CCDC178: variants seen among roughly 807,000 people sequenced by gnomAD.
CCDC178 encodes the protein coiled-coil domain-containing protein 178.
In CCDC178, 126 loss-of-function variants were observed where a neutral mutation model predicts 117.4. The observed-to-expected ratio is 1.07, with a 90% CI of 0.93 to 1.24. The LOEUF (loss-of-function observed/expected upper bound fraction) is 1.24, where lower values mean the gene tolerates loss of function less well. Ranked by LOEUF, CCDC178 falls within the 50% of genes most tolerant of loss-of-function variation. The pLI, the probability that CCDC178 is intolerant of heterozygous loss-of-function variation, is 0.00. For missense variants in CCDC178, 1,030 were observed against 986.9 expected (o/e 1.04, Z -0.59); for synonymous variants, 283 against 313.4 (o/e 0.90, Z 1.02).
At chr18:33,318,738 TA>T (rs1178859261) in intron 11 of CCDC178, among the ~76,000 whole-genome samples, 6 of 151,922 alleles carry the variant, frequency 3.9e-5, no homozygotes, top group African/African-American at 1.5e-4. Context: ...TAAAATTAAT[TA>T]AAATTCATAA....
chr18:33,414,893 T>C (rs965580749), intron 2 of CCDC178, among the ~76,000 whole-genome samples: 2 of 152,156 alleles, frequency 1.3e-5, no homozygotes, highest in African/African-American at 4.8e-5. Flanking sequence ...GGGCTAAGGA[T>C]ATGAACAGAC....
At chr18:32,992,907 T>C (rs1197623043) in intron 21 of CCDC178, among the ~76,000 whole-genome samples, 1 of 152,184 alleles carries the variant, frequency 6.6e-6, no homozygotes, top group East Asian at 1.9e-4. Flanking sequence ...TGCTCACACC[T>C]GTAATCCCAG....
At chr18:33,322,509 T>C (rs1046637298) in intron 11 of CCDC178, among the ~76,000 whole-genome samples, 1 of 151,790 alleles carries the variant, frequency 6.6e-6, no homozygotes, top group Non-Finnish European at 1.5e-5. Context: ...ATTTTCATGG[T>C]TTGAAACTAT....
At chr18:33,092,380 T>G (rs1215397472) in intron 21 of CCDC178, among the ~76,000 whole-genome samples, 2 of 152,084 alleles carry the variant, frequency 1.3e-5, no homozygotes, top group Non-Finnish European at 2.9e-5. Flanking sequence ...AGAAAATAGT[T>G]ACCAGAATTT....
rs186010868 is a variant in CCDC178, at chr18:33,101,866, G to A, written c.2239-8956C>T. Among the ~76,000 whole-genome samples, 10 of 152,022 alleles carry A rather than the reference G, an allele frequency of 6.6e-5. No individual in the cohort carries two copies. The East Asian group carries it at 1.8e-3, about 27-fold the overall frequency. ...TATTTTGCAAGTTGCCACTGATGTAGTCAGATAACCTGATGCCACTTTACA... is the reference window on the plus strand; with the variant it reads ...TATTTTGCAAGTTGCCACTGATGTAATCAGATAACCTGATGCCACTTTACA... On this transcript the variant is annotated intron_variant, in intron 20 of 22. Transcript: ENST00000383096.
chr18:33,030,522 AAGATAGATAGAT>A lies in CCDC178; in HGVS notation c.2389-55853_2389-55842del, dbSNP rs61043322. ...GGAGTTCTCCAGACAGAACTGATAG[AAGATAGATAGAT>A]AGATAGATAGATAGATAGATAGATA... On this transcript the variant is annotated intron_variant, in intron 21 of 22. Transcript: ENST00000383096. 1.1e-3 allele frequency among the ~76,000 whole-genome samples: 155 copies of A among 140,876 alleles called. 1 individual carries two copies. Among genetic ancestry groups the A allele is most frequent in the Non-Finnish European group, 1.5e-3 (99 of 65,198 alleles). The allele number at this position is 140,876 out of a possible 152,430, so 92.4% of individuals were successfully genotyped here.
chr18:32,963,254 C>T (rs1431013734), intron 22 of CCDC178, among the ~76,000 whole-genome samples: 1 of 151,998 alleles, frequency 6.6e-6, no homozygotes, highest in Non-Finnish European at 1.5e-5. Flanking sequence ...AATCTGTTTC[C>T]TAAGTCCCTC....
intron 9 of CCDC178, among the ~76,000 whole-genome samples, chr18:33,339,993 G>C (rs1389957961): frequency 6.6e-6 from 1 of 152,138 alleles, no homozygotes; most frequent in Non-Finnish European, 1.5e-5. Context: ...TTGGAACTTG[G>C]TAACAGGCAG....
chr18:33,272,694 C>A (rs147899787), intron 12 of CCDC178, among the ~76,000 whole-genome samples: 2 of 151,502 alleles, frequency 1.3e-5, no homozygotes, highest in East Asian at 3.9e-4. Context: ...GGATTATAGA[C>A]CACGATGAAG....
chr18:33,170,210 G>A (rs2058582757), intron 20 of CCDC178, among the ~76,000 whole-genome samples: 1 of 152,018 alleles, frequency 6.6e-6, no homozygotes, highest in South Asian at 2.1e-4. Context: ...GTTTCAGGGA[G>A]TTTAAGGCTC....
intron 6 of CCDC178, among the ~76,000 whole-genome samples, chr18:33,361,023 C>G (rs1410836870): frequency 6.6e-6 from 1 of 150,846 alleles, no homozygotes; most frequent in African/African-American, 2.4e-5. Context: ...AAAAAAACAC[C>G]AAAAGTCCCA....
intron 12 of CCDC178, among the ~76,000 whole-genome samples, chr18:33,271,770 A>G (rs2059893714): frequency 6.6e-6 from 1 of 151,594 alleles, no homozygotes; most frequent in Admixed American, 6.6e-5. Flanking sequence ...TAACAGAAGG[A>G]AATTCAAAAC....
chr18:33,253,172 C>G (rs1422317403), intron 14 of CCDC178, among the ~76,000 whole-genome samples: 1 of 151,782 alleles, frequency 6.6e-6, no homozygotes, highest in Non-Finnish European at 1.5e-5. Context: ...ACAATCATAT[C>G]ATCATCGTTG....
chr18:33,160,418 C>A (rs2058448666), intron 20 of CCDC178, among the ~76,000 whole-genome samples: 1 of 152,050 alleles, frequency 6.6e-6, no homozygotes, highest in African/African-American at 2.4e-5. Flanking sequence ...ATACTGCAAA[C>A]CACTACAAGT....
In CCDC178 at chr18:33,227,577, TATAC is replaced by T. The variant is rs1211889003; in HGVS notation, c.1594-726_1594-723del. On this transcript the variant is annotated intron_variant, in intron 15 of 22. Coordinates refer to ENST00000383096, the MANE Select transcript of CCDC178 (RefSeq NM_001105528.4). ...GTGTGTATATATATATATATATATA[TATAC>T]ACACACACACACACACATAGTTTTG... Among the ~76,000 whole-genome samples, 55 of 138,616 alleles carry T rather than the reference TATAC, an allele frequency of 4.0e-4. No homozygotes were observed. In the East Asian group the frequency reaches 8.3e-3, roughly 21 times the overall value. 90.9% of individuals were successfully genotyped at this position (138,616 alleles called of 152,430 possible). A position where few individuals can be genotyped will look rare whatever the true frequency, so the allele number is the denominator to read the frequency against.
intron 21 of CCDC178, among the ~76,000 whole-genome samples, chr18:33,033,302 G>GA (rs879458732): frequency 5.9e-5 from 9 of 152,006 alleles, no homozygotes; most frequent in Non-Finnish European, 1.2e-4. Context: ...AAGCCTTTGA[G>GA]AAAAAATATT....
intron 11 of CCDC178, among the ~76,000 whole-genome samples, chr18:33,310,564 T>G (rs2062326799): frequency 6.6e-6 from 1 of 151,848 alleles, no homozygotes; most frequent in South Asian, 2.1e-4. Context: ...CACATGCCTG[T>G]AATCCCAGCT....
intron 20 of CCDC178, among the ~76,000 whole-genome samples, chr18:33,098,991 G>T (rs1211948031): frequency 1.3e-5 from 2 of 151,902 alleles, no homozygotes; most frequent in Non-Finnish European, 2.9e-5. Context: ...TCATTGATTT[G>T]AATCAGAAGA....
At chr18:33,178,432 T>G (rs1272104975) in intron 20 of CCDC178, among the ~76,000 whole-genome samples, 1 of 152,158 alleles carries the variant, frequency 6.6e-6, no homozygotes, top group Non-Finnish European at 1.5e-5. Context: ...CCATCTGTAT[T>G]CCTGTCTCCA....
Sources: gnomAD v4.1 joint callset for allele counts (sites outside exome capture counted in the v4.1 genomes callset) on GRCh38, gnomAD v4.1.1 for gene constraint, MANE v1.5 for transcripts, NCBI Gene and HGNC (gene_info 2026-07-23, HGNC 2026-07-21) for gene names.